The following APBA1 variants were observed in gnomAD, a reference collection of about 807,000 sequenced individuals.
The protein encoded by APBA1 is amyloid beta precursor protein binding family A member 1.
In APBA1, 55 loss-of-function variants were observed where a neutral mutation model predicts 86.6. The ratio of observed to expected loss-of-function variants is 0.64; its 90% CI spans 0.51 to 0.80. The LOEUF is 0.80. APBA1 is among the 30% of genes least tolerant of loss of function. The pLI is 0.00. For missense variants in APBA1, 1,090 were observed against 1,183.0 expected, an observed-to-expected ratio of 0.92 and a Z score of 1.15; for synonymous variants, 511 against 493.9, an observed-to-expected ratio of 1.03 and a Z score of -0.46.
chr9:69,504,748 T>A (rs1835928200), intron 2 of APBA1, among the ~76,000 whole-genome samples: 1 of 152,052 alleles, frequency 6.6e-6, no homozygotes, highest in African/African-American at 2.4e-5. Context: ...GTGGGCCGTG[T>A]GTTCCCCAGG....
intron 1 of APBA1, among the ~76,000 whole-genome samples, chr9:69,546,349 G>A (rs1289870282): frequency 6.6e-6 from 1 of 152,170 alleles, no homozygotes; most frequent in South Asian, 2.1e-4. Flanking sequence ...TATGTTGTGG[G>A]TTGCTTTTCC....
intron 1 of APBA1, among the ~76,000 whole-genome samples, chr9:69,622,461 T>G (rs749434913): frequency 3.3e-5 from 5 of 152,146 alleles, no homozygotes; most frequent in Non-Finnish European, 5.9e-5. Context: ...TGTTGGAAAA[T>G]GTTCCTGGTC....
chr9:69,607,323 C>T (rs958997422), intron 1 of APBA1, among the ~76,000 whole-genome samples: 2 of 152,162 alleles, frequency 1.3e-5, no homozygotes, highest in Non-Finnish European at 2.9e-5. Flanking sequence ...TTTTATCAAA[C>T]CGTCAGATCT....
chr9:69,597,797 A>C (rs1381387807), intron 1 of APBA1, among the ~76,000 whole-genome samples: 1 of 152,148 alleles, frequency 6.6e-6, no homozygotes, highest in African/African-American at 2.4e-5. Flanking sequence ...TGTTTTTCTC[A>C]GGTTTGTCGA....
chr9:69,597,614 T>C (rs1226230782), intron 1 of APBA1, among the ~76,000 whole-genome samples: 4 of 152,244 alleles, frequency 2.6e-5, no homozygotes, highest in African/African-American at 9.6e-5. Context: ...TGGTAATGCC[T>C]AGGTTTTCTT....
At chr9:69,456,839 G>A (rs894227421) in intron 7 of APBA1, among the ~76,000 whole-genome samples, 5 of 152,114 alleles carry the variant, frequency 3.3e-5, no homozygotes, top group East Asian at 1.9e-4. Context: ...AATGCTAAAC[G>A]TCATCCATGT....
intron 2 of APBA1, among the ~76,000 whole-genome samples, chr9:69,488,324 T>C (rs1244407107): frequency 6.6e-6 from 1 of 151,914 alleles, no homozygotes; most frequent in Non-Finnish European, 1.5e-5. Context: ...ACTGACTTTT[T>C]TTGAAAAAAA....
intron 1 of APBA1, among the ~76,000 whole-genome samples, chr9:69,625,611 G>C (rs550023773): frequency 1.3e-5 from 2 of 152,276 alleles, no homozygotes; most frequent in South Asian, 4.1e-4. Flanking sequence ...ATTAGGCTTA[G>C]AGATATGCCA....
chr9:69,660,957 G>C (rs573394935), intron 1 of APBA1, among the ~76,000 whole-genome samples: 1 of 152,212 alleles, frequency 6.6e-6, no homozygotes, highest in African/African-American at 2.4e-5. Flanking sequence ...ACTGAGGTCC[G>C]TGGGACAAAT....
chr9:69,531,275 T>G (rs1173450567), intron 1 of APBA1, among the ~76,000 whole-genome samples: 1 of 152,162 alleles, frequency 6.6e-6, no homozygotes, highest in Admixed American at 6.5e-5. Flanking sequence ...TCTTTTCTTT[T>G]GCAGAATAAT....
intron 1 of APBA1, among the ~76,000 whole-genome samples, chr9:69,617,156 C>A (rs1469754826): frequency 6.6e-6 from 1 of 152,178 alleles, no homozygotes; most frequent in African/African-American, 2.4e-5. Flanking sequence ...CATCTCAAAA[C>A]AACTATATAA....
At position 69,499,652 on chromosome 9, in the gene APBA1, T is replaced by C. The variant is rs577464598; in HGVS notation, c.1200+16359A>G. Among the ~76,000 whole-genome samples the C allele has an allele frequency of 7.2e-5, 10 of 138,694 alleles. No individual in the cohort carries two copies. The Admixed American group carries it at 7.7e-4, about 11-fold the overall frequency. The allele number at this position is 138,694 out of a possible 152,430, so 91.0% of individuals were successfully genotyped here. A position where few individuals can be genotyped will look rare whatever the true frequency, so the allele number is the denominator to read the frequency against. ...GTGCACTTGACCTTGGTCAGTAGTT[T>C]CCTAGCAACGGTCCAAAAAAAAAAA... On this transcript the variant is annotated intron_variant, in intron 2 of 12. Coordinates refer to ENST00000265381, the MANE Select transcript of APBA1 (RefSeq NM_001163.4).
chr9:69,636,967 GAAAGAAAGAAAGAAAGAAAA>G (rs1823190149), intron 1 of APBA1, among the ~76,000 whole-genome samples: 2 of 151,522 alleles, frequency 1.3e-5, no homozygotes, highest in Admixed American at 6.6e-5. Flanking sequence ...AAGAAAGAAA[GAAAGAAAGAAAGAAAGAAAA>G]ATGTGATACA....
rs550951588 is a variant in APBA1, at chr9:69,641,955, C to T, written c.-70+30198G>A. Among the ~76,000 whole-genome samples the T allele has an allele frequency of 4.0e-4, 61 of 152,344 alleles. 1 individual carries two copies. The highest frequency in any genetic ancestry group is 1.2e-3 in the Admixed American group (18 of 15,308). On this transcript the variant is annotated intron_variant, in intron 1 of 12. Transcript: ENST00000265381. The stretch of plus-strand genomic sequence containing the variant: ...CCGCCTCCCGGATTCAACCGATTCT[C>T]CTGCTTCAGCCTCCCAAGTAGTTGG...
chr9:69,660,742 A>G (rs1485400590), intron 1 of APBA1, among the ~76,000 whole-genome samples: 1 of 152,212 alleles, frequency 6.6e-6, no homozygotes, highest in Non-Finnish European at 1.5e-5. Flanking sequence ...TACTCAATAA[A>G]TATTTCTTGG....
chr9:69,596,968 G>T (rs1822241638), intron 1 of APBA1, among the ~76,000 whole-genome samples: 3 of 152,114 alleles, frequency 2.0e-5, no homozygotes, highest in African/African-American at 4.8e-5. Context: ...ATTTAGTGGG[G>T]GTGCAAATCA....
intron 1 of APBA1, among the ~76,000 whole-genome samples, chr9:69,542,537 T>G (rs1836630656): frequency 1.3e-5 from 2 of 152,238 alleles, no homozygotes; most frequent in Non-Finnish European, 2.9e-5. Flanking sequence ...GAAGGACATC[T>G]TGGTTGCTTC....
chr9:69,439,571 A>T (rs1179448823), intron 11 of APBA1, among the ~76,000 whole-genome samples: 1 of 152,110 alleles, frequency 6.6e-6, no homozygotes, highest in African/African-American at 2.4e-5. Context: ...CTTCCAGTTG[A>T]TCACATCGGT....
chr9:69,664,445 T>A (rs1823808384), intron 1 of APBA1, among the ~76,000 whole-genome samples: 1 of 152,040 alleles, frequency 6.6e-6, no homozygotes, highest in Non-Finnish European at 1.5e-5. Flanking sequence ...ATACAGAAAC[T>A]CAAGAAGTAC....
Sources: allele counts gnomAD v4.1 joint callset (sites outside exome capture counted in the v4.1 genomes callset), GRCh38; gene constraint gnomAD v4.1.1; transcripts MANE v1.5; gene names NCBI Gene and HGNC (gene_info 2026-07-23, HGNC 2026-07-21).